Variants in EDARADD observed in about 807,000 individuals in gnomAD.
EDARADD encodes EDAR associated via death domain, also known as ectodysplasin-A receptor-associated adapter protein.
Under a neutral mutation model 25.6 loss-of-function variants are expected in EDARADD, and 20 were observed. The ratio of observed to expected loss-of-function variants is 0.78; its 90% CI spans 0.55 to 1.14. EDARADD has a LOEUF of 1.14. Ranked by LOEUF, EDARADD falls within the 50% of genes most tolerant of loss-of-function variation. The pLI is 0.00. For synonymous variants in EDARADD, 86 were observed against 94.4 expected (o/e 0.91, Z 0.52); for missense variants, 225 against 270.1 (o/e 0.83, Z 1.17).
chr1:236,439,727 T>C (rs572635392), intron 4 of EDARADD, among the ~76,000 whole-genome samples: 7 of 152,320 alleles, frequency 4.6e-5, no homozygotes, highest in African/African-American at 1.4e-4. Context: ...TAAAGAGGTT[T>C]TATATATTTC....
rs59719601 is a variant in EDARADD at position 236,362,743 on chromosome 1, T to C, written c.-6+11904T>C. ...TGTATATTGTGAAGTATTCAAATTC[T>C]TTTTTTATTCCTAATCAATATCCAG... On this transcript the variant is annotated intron_variant, in intron 3 of 7. Coordinates refer to the EDARADD transcript ENST00000439430. 8.4e-3 allele frequency among the ~76,000 whole-genome samples: 1,276 copies of C among 152,022 alleles called. 18 individuals carry two copies. Among genetic ancestry groups the C allele is most frequent in the African/African-American group, 0.029 (1,208 of 41,486 alleles).
chr1:236,382,554 T>C (rs1667313340), intron 3 of EDARADD, among the ~76,000 whole-genome samples: 1 of 152,214 alleles, frequency 6.6e-6, no homozygotes, highest in African/African-American at 2.4e-5. Flanking sequence ...ATTCACTTCA[T>C]TGGATACTGG....
Position 236,482,699 on chromosome 1 carries a change from G to A in EDARADD, c.*50G>A, listed in dbSNP as rs1659713536. ...CTCTCCGGATGTTGAAACAACCACA[G>A]GTCAAGAAGGAATGTGAATCTGTTG... On this transcript the variant is annotated 3_prime_UTR_variant, in exon 6 of 6. Transcript: ENST00000334232. 1 of 1,606,256 alleles carries A rather than the reference G, an allele frequency of 6.2e-7. No homozygotes were observed. Among genetic ancestry groups the A allele is most frequent in the Non-Finnish European group, 8.5e-7 (1 of 1,179,344 alleles).
chr1:236,351,603 G>A (rs914934338), intron 3 of EDARADD, among the ~76,000 whole-genome samples: 4 of 151,810 alleles, frequency 2.6e-5, no homozygotes, highest in African/African-American at 7.3e-5. Flanking sequence ...CCAGCTACTC[G>A]GGAGGCTGAG....
chr1:236,478,490 GTA>G (rs527751174), intron 5 of EDARADD, among the ~76,000 whole-genome samples: 4 of 150,432 alleles, frequency 2.7e-5, no homozygotes, highest in African/African-American at 4.9e-5. Context: ...GTGTATATAT[GTA>G]TATATATATG....
intron 4 of EDARADD, among the ~76,000 whole-genome samples, chr1:236,447,224 C>CTTTCTTTTCTTTCTTTCTTT (rs58467420): frequency 5.2e-5 from 2 of 38,486 alleles, no homozygotes; most frequent in African/African-American, 1.3e-4. Flanking sequence ...TTCTTTCTTT[C>CTTTCTTTTCTTTCTTTCTTT]CTTTCTTTCC....
chr1:236,434,579 A>G (rs1449945965), intron 4 of EDARADD, among the ~76,000 whole-genome samples: 4 of 151,982 alleles, frequency 2.6e-5, no homozygotes, highest in Admixed American at 6.6e-5. Context: ...TATCATCAGC[A>G]TTAGTATATT....
chr1:236,406,183 T>C (rs1277733643), intron 1 of EDARADD, among the ~76,000 whole-genome samples: 1 of 151,910 alleles, frequency 6.6e-6, no homozygotes, highest in Admixed American at 6.6e-5. Flanking sequence ...AGATGAAATA[T>C]GTGAGACTAG....
intron 4 of EDARADD, among the ~76,000 whole-genome samples, chr1:236,439,388 A>G (rs905031362): frequency 2.0e-5 from 3 of 152,198 alleles, no homozygotes; most frequent in Admixed American, 2.0e-4. Flanking sequence ...GCTGGCTCAT[A>G]CAGCAAGAGG....
intron 4 of EDARADD, among the ~76,000 whole-genome samples, chr1:236,452,496 T>TCC (rs752902630): frequency 2.3e-5 from 3 of 130,442 alleles, no homozygotes; most frequent in South Asian, 5.3e-4. Context: ...GTGTGGCCGA[T>TCC]CCCCCCTCTC....
chr1:236,349,477 A>G (rs1450804180), intron 2 of EDARADD, among the ~76,000 whole-genome samples: 1 of 151,962 alleles, frequency 6.6e-6, no homozygotes, highest in Non-Finnish European at 1.5e-5. Context: ...TGAGACATCA[A>G]TCAAATACAT....
intron 3 of EDARADD, among the ~76,000 whole-genome samples, chr1:236,358,493 T>C (rs1667008887): frequency 2.6e-5 from 4 of 152,330 alleles, no homozygotes; most frequent in Admixed American, 2.0e-4. Flanking sequence ...AGGGGTCAAT[T>C]TGATGTGGGC....
At chr1:236,356,722 C>T (rs1666979365) in intron 3 of EDARADD, among the ~76,000 whole-genome samples, 1 of 151,178 alleles carries the variant, frequency 6.6e-6, no homozygotes, top group Non-Finnish European at 1.5e-5. Flanking sequence ...TCTCTACTAC[C>T]GTGTACTTAC....
intron 3 of EDARADD, 45 bp downstream of exon 3, chr1:236,414,344 T>C (rs755546886): frequency 1.3e-5 from 20 of 1,501,802 alleles, no homozygotes; most frequent in Non-Finnish European, 1.9e-5. Flanking sequence ...ATTATTTTAA[T>C]ATTGTGAACA....
intron 4 of EDARADD, among the ~76,000 whole-genome samples, chr1:236,457,390 C>G (rs915352469): frequency 6.6e-6 from 1 of 151,976 alleles, no homozygotes; most frequent in Admixed American, 6.5e-5. Context: ...TGGTGCATGC[C>G]TGTAGTCGCA....
upstream of EDARADD, among the ~76,000 whole-genome samples, chr1:236,390,199 A>C (rs116346963): frequency 0.019 from 2,884 of 152,194 alleles, 91 homozygotes; most frequent in African/African-American, 0.066. Flanking sequence ...AAGACAACCA[A>C]TATGGTGCAC....
In EDARADD at chr1:236,467,445, C is replaced by T. The variant is rs149324192; in HGVS notation, c.220-786C>T. ...ACACGCGCACACACACACACACACA[C>T]ACACACACACATACACACACCTGTC... On this transcript the variant is annotated intron_variant, in intron 4 of 5. Coordinates refer to ENST00000334232, the MANE Select transcript of EDARADD (RefSeq NM_145861.4). 4.2e-3 allele frequency among the ~76,000 whole-genome samples: 631 copies of T among 151,666 alleles called. 2 individuals carry two copies. The highest frequency in any genetic ancestry group is 0.014 in the African/African-American group (595 of 41,222).
chr1:236,369,155 C>T (rs1283595481), intron 3 of EDARADD, among the ~76,000 whole-genome samples: 2 of 151,814 alleles, frequency 1.3e-5, no homozygotes, highest in African/African-American at 2.4e-5. Context: ...ATTTGCTATT[C>T]TTCTTCAATA....
At chr1:236,369,665 C>T (rs1245384030) in intron 3 of EDARADD, among the ~76,000 whole-genome samples, 1 of 151,974 alleles carries the variant, frequency 6.6e-6, no homozygotes, top group African/African-American at 2.4e-5. Context: ...ATGGAGAGAC[C>T]CCGTCTCTAC....
Sources: gnomAD v4.1 joint callset for allele counts (sites outside exome capture counted in the v4.1 genomes callset) on GRCh38, gnomAD v4.1.1 for gene constraint, MANE v1.5 for transcripts, NCBI Gene and HGNC (gene_info 2026-07-23, HGNC 2026-07-21) for gene names.